Variants in PSMC4 observed in about 807,000 individuals in gnomAD.
The protein encoded by PSMC4 is 26S proteasome regulatory subunit 6B.
In PSMC4, 13 loss-of-function variants were observed where a neutral mutation model predicts 48.4. That is an observed-to-expected ratio of 0.27 (90% CI 0.18 to 0.43). The LOEUF (loss-of-function observed/expected upper bound fraction) is 0.43, where lower values mean the gene tolerates loss of function less well. Ranked by LOEUF, PSMC4 falls within the 20% of genes least tolerant of loss-of-function variation. PSMC4 has a pLI of 1.00. For synonymous variants in PSMC4, 202 were observed against 212.3 expected, an observed-to-expected ratio of 0.95 and a Z score of 0.42; for missense variants, 262 against 555.9, an observed-to-expected ratio of 0.47 and a Z score of 5.32.
chr19:39,975,255 G>A (rs562593936), intron 6 of PSMC4, among the ~76,000 whole-genome samples: 1 of 152,060 alleles, frequency 6.6e-6, no homozygotes, highest in South Asian at 2.1e-4. Context: ...TATACTTGTG[G>A]TTCTTCAAAA....
At chr19:39,972,020 T>C in intron 1 of PSMC4, 126 bp from the exon 2 acceptor site, 1 of 855,794 alleles carries the variant, frequency 1.2e-6, no homozygotes, top group Non-Finnish European at 1.9e-6. Flanking sequence ...TCTTAAGATA[T>C]CAGGGGTCTG....
At chr19:39,973,171 A>G (rs1971133208) in intron 3 of PSMC4, among the ~76,000 whole-genome samples, 2 of 152,166 alleles carry the variant, frequency 1.3e-5, no homozygotes, top group African/African-American at 2.4e-5. Flanking sequence ...GATGTTTTCT[A>G]TCCTATTCTA....
At chr19:39,971,308 G>T (rs1207171050) in intron 1 of PSMC4, 70 bp downstream of exon 1, 15 of 1,584,552 alleles carry the variant, frequency 9.5e-6, no homozygotes, top group South Asian at 2.2e-5. Context: ...AGACCTGAGT[G>T]GGGGGAGGAA....
intron 6 of PSMC4, among the ~76,000 whole-genome samples, chr19:39,979,011 T>A (rs1450076333): frequency 6.6e-6 from 1 of 152,168 alleles, no homozygotes; most frequent in Non-Finnish European, 1.5e-5. Context: ...AGAACAAATC[T>A]GTCTTCAACC....
chr19:39,971,261 T>C (rs759105347), intron 1 of PSMC4, 23 bp downstream of exon 1: 5 of 1,613,910 alleles, frequency 3.1e-6, no homozygotes, highest in Non-Finnish European at 1.7e-6. Context: ...CTTGGGCTTT[T>C]TAGTCCGGGC....
rs558375977 is a variant in PSMC4 at position 39,971,309 on chromosome 19, G to C, written c.36+71G>C. On this transcript the variant is annotated intron_variant, in intron 1 of 10. Transcript: ENST00000157812. ...GAGAGGGTGAAGCCAGACCTGAGTG[G>C]GGGGAGGAATGGCTTCCAGGACCCC... The C allele has an allele frequency of 2.8e-5, 45 of 1,586,634 alleles. No homozygotes were observed. The African/African-American group carries it at 5.5e-4, about 19-fold the overall frequency.
In PSMC4 at chr19:39,974,556, G is replaced by A; in HGVS notation, c.502G>A (p.Gly168Arg). 6.2e-7 allele frequency: 1 copy of A among 1,614,114 alleles called. No homozygotes were observed. Among genetic ancestry groups the A allele is most frequent in the Non-Finnish European group, 8.5e-7 (1 of 1,180,022 alleles). The change falls in exon 5 of 11, where the codon GGA (glycine) becomes AGA (arginine). Residue 168 changes from glycine to arginine, a missense_variant. Coordinates refer to ENST00000157812, the MANE Select transcript of PSMC4 (RefSeq NM_006503.4). This position sits in a 1 kb window ranked among gnomAD's most constrained non-coding sequence, Gnocchi z 5.5. ...QKPDVMYADIGGMDIQKQEVR... is the reference protein window; with the variant it reads ...QKPDVMYADIRGMDIQKQEVR... The stretch of plus-strand genomic sequence containing the variant: ...GCCAGATGTGATGTACGCGGACATC[G>A]GAGGCATGGACATCCAGAAGCAGGA...
chr19:39,972,593 TAAC>T (rs749243473), intron 3 of PSMC4, 38 bp downstream of exon 3: 42 of 1,565,804 alleles, frequency 2.7e-5, no homozygotes, highest in Non-Finnish European at 3.6e-5. Context: ...TCTGTCCACT[TAAC>T]AACTATTTCC....
chr19:39,972,175 G>C lies in PSMC4; in HGVS notation c.66G>C (p.Arg22=). The C allele has an allele frequency of 1.2e-6, 2 of 1,614,072 alleles. No individual in the cohort carries two copies. ...QDEIPALSVS[R]PQTGLSFLGP... ...AGATCCCAGCACTGTCCGTGTCCCG[G>C]CCCCAGACCGGCCTGTCCTTCCTGG... is the stretch of plus-strand genomic sequence containing the variant. Residue 22 remains arginine (R), a synonymous_variant, in exon 2 of 11, where the codon CGG becomes CGC. Coordinates refer to ENST00000157812, the MANE Select transcript of PSMC4 (RefSeq NM_006503.4).
rs139273471 is a variant in PSMC4, at chr19:39,979,411, A to G, written c.674-406A>G. The G allele has an allele frequency of 3.7e-3, 563 of 153,924 alleles. 4 individuals carry two copies. The highest frequency in any genetic ancestry group is 0.013 in the African/African-American group (544 of 41,588). 9.5% of individuals were successfully genotyped at this position (153,924 alleles called of 1,614,324 possible). On this transcript the variant is annotated intron_variant, in intron 6 of 10. Transcript: ENST00000157812. Reference sequence around the variant, plus strand: ...CCTCGTCTCTACTAAAAATACAAAAATTAGCTTGGCATGGCAGTGCACGCC... The same window carrying G: ...CCTCGTCTCTACTAAAAATACAAAAGTTAGCTTGGCATGGCAGTGCACGCC...
In PSMC4 at chr19:39,980,527, A is replaced by G. The variant is rs1331936808; in HGVS notation, c.1087+73A>G. On this transcript the variant is annotated intron_variant, in intron 9 of 10. Transcript: ENST00000157812. The surrounding 1 kb of genome is among the most constrained non-coding windows in gnomAD (Gnocchi z 4.8). ...TTAGATCTTCAGCTCAACTTCTGCC[A>G]GCACCACAGCCCAGACTGTGCAGGT... The G allele has an allele frequency of 6.3e-7, 1 of 1,596,298 alleles. No homozygotes were observed. Among genetic ancestry groups the G allele is most frequent in the African/African-American group, 1.3e-5 (1 of 74,452 alleles).
intron 6 of PSMC4, among the ~76,000 whole-genome samples, chr19:39,977,006 C>T (rs1054379390): frequency 2.0e-5 from 3 of 151,988 alleles, no homozygotes; most frequent in Non-Finnish European, 2.9e-5. Context: ...CATGCCACCA[C>T]ATCTGGCTAA....
chr19:39,977,937 C>T (rs1453407168), intron 6 of PSMC4, among the ~76,000 whole-genome samples: 3 of 151,090 alleles, frequency 2.0e-5, no homozygotes, highest in Non-Finnish European at 4.4e-5. Context: ...CCCCACCTGT[C>T]TCTCCTAAGT....
In PSMC4 at chr19:39,972,261, A is replaced by C. The variant is rs1354839416; in HGVS notation, c.135+17A>C. 1.2e-6 allele frequency: 2 copies of C among 1,612,312 alleles called. No individual in the cohort carries two copies. Among genetic ancestry groups the C allele is most frequent in the South Asian group, 2.2e-5 (2 of 91,034 alleles). On this transcript the variant is annotated intron_variant, in intron 2 of 10. Coordinates refer to ENST00000157812, the MANE Select transcript of PSMC4 (RefSeq NM_006503.4). ...CGCTACAAGGTACATTCGACCCCCAACCCAGACCTTGCACAGGACCTGACA... is the reference window on the plus strand; with the variant it reads ...CGCTACAAGGTACATTCGACCCCCACCCCAGACCTTGCACAGGACCTGACA...
intron 6 of PSMC4, among the ~76,000 whole-genome samples, chr19:39,975,899 A>G (rs1342338456): frequency 2.2e-4 from 34 of 152,150 alleles, no homozygotes; most frequent in Non-Finnish European, 1.8e-4. Context: ...CCTAGAACTC[A>G]GTCATTCAGT....
Position 39,980,629 on chromosome 19 carries a change from CA to C in PSMC4, c.1088-32del. The stretch of plus-strand genomic sequence containing the variant: ...TTCCAGCCCCAGGCATTTACCCCAT[CA>C]CACAGGGAATAGTTTCCTTAACTCG... On this transcript the variant is annotated intron_variant, in intron 9 of 10. Transcript: ENST00000157812. The surrounding 1 kb of genome is among the most constrained non-coding windows in gnomAD (Gnocchi z 4.8). 3 of 1,611,818 alleles carry C rather than the reference CA, an allele frequency of 1.9e-6. No homozygotes were observed. The highest frequency in any genetic ancestry group is 2.5e-6 in the Non-Finnish European group (3 of 1,177,980).
At chr19:39,977,200 T>A (rs1363418173) in intron 6 of PSMC4, among the ~76,000 whole-genome samples, 2 of 152,110 alleles carry the variant, frequency 1.3e-5, no homozygotes, top group African/African-American at 4.8e-5. Context: ...GTTAGTGTAT[T>A]TTATGTGTGG....
At position 39,974,264 on chromosome 19, in the gene PSMC4, C is replaced by A. The variant is rs778140561; in HGVS notation, c.323-30C>A. On this transcript the variant is annotated intron_variant, in intron 3 of 10. Transcript: ENST00000157812. This position sits in a 1 kb window ranked among gnomAD's most constrained non-coding sequence, Gnocchi z 5.5. ...GGAAGGGGCAGTTTCCAGGCTGACA[C>A]TTCTCGTTTTCCTCTCTCCCTTCTC... 1.2e-6 allele frequency: 2 copies of A among 1,611,704 alleles called. No homozygotes were observed. Among genetic ancestry groups the A allele is most frequent in the East Asian group, 4.5e-5 (2 of 44,830 alleles).
Position 39,979,926 on chromosome 19 carries a change from C to T in PSMC4, c.783C>T (p.Ile261=). The T allele has an allele frequency of 6.2e-7, 1 of 1,614,114 alleles. No homozygotes were observed. The highest frequency in any genetic ancestry group is 8.5e-7 in the Non-Finnish European group (1 of 1,180,014). ...FRLAKENAPA[I]IFIDEIDAIA... is the part of the protein sequence containing the mutation. ...TGGCCAAGGAGAATGCACCTGCCATCATCTTCATAGACGAGATTGATGCCA... is the reference window on the plus strand; with the variant it reads ...TGGCCAAGGAGAATGCACCTGCCATTATCTTCATAGACGAGATTGATGCCA... The change falls in exon 7 of 11, where the codon ATC becomes ATT. Residue 261 remains isoleucine (I), a synonymous_variant. Transcript: ENST00000157812.
Sources: allele counts gnomAD v4.1 joint callset (sites outside exome capture counted in the v4.1 genomes callset), GRCh38; gene constraint gnomAD v4.1.1; non-coding constraint Gnocchi (gnomAD v3.1); transcripts MANE v1.5; gene names NCBI Gene and HGNC (gene_info 2026-07-23, HGNC 2026-07-21).